The following RPS6KA2 variants were observed in gnomAD, a reference collection of about 807,000 sequenced individuals.
The protein encoded by RPS6KA2 is ribosomal protein S6 kinase alpha-2.
A neutral mutation model predicts 91.8 loss-of-function variants in RPS6KA2; 42 were observed. The observed-to-expected ratio is 0.46, with a 90% CI of 0.36 to 0.59. The LOEUF is 0.59. Among genes scored for constraint, RPS6KA2 ranks in the 20% least tolerant of loss-of-function variants. The probability of loss-of-function intolerance (pLI) is 0.00; values close to 1 mark genes in which losing one functional copy is unlikely to be tolerated. For missense variants in RPS6KA2, 798 were observed against 978.5 expected, an observed-to-expected ratio of 0.82 and a Z score of 2.46; for synonymous variants, 414 against 393.6, an observed-to-expected ratio of 1.05 and a Z score of -0.61.
At chr6:166,476,486 G>A (rs1468887487) in intron 10 of RPS6KA2, among the ~76,000 whole-genome samples, 1 of 152,228 alleles carries the variant, frequency 6.6e-6, no homozygotes, top group Non-Finnish European at 1.5e-5. Flanking sequence ...TGCGCACACA[G>A]AGGGCACATT....
chr6:166,838,747 C>T lies in RPS6KA2; in HGVS notation c.123+19453G>A, dbSNP rs142304257. Among the ~76,000 whole-genome samples the T allele has an allele frequency of 1.7e-3, 234 of 137,874 alleles. 29 individuals are homozygous for T. The highest frequency in any genetic ancestry group is 7.9e-3 in the African/African-American group (220 of 27,998). The allele number at this position is 137,874 out of a possible 152,430, so 90.5% of individuals were successfully genotyped here. On this transcript the variant is annotated intron_variant, in intron 2 of 21. Coordinates refer to the RPS6KA2 transcript ENST00000503859. ...CCACTGGAGGACTCGGAATCTTGGC[C>T]GCAAAGATACTAACAGATGTCCACG...
chr6:166,539,139 C>T (rs1000053601), intron 1 of RPS6KA2, among the ~76,000 whole-genome samples: 8 of 152,106 alleles, frequency 5.3e-5, no homozygotes, highest in East Asian at 1.9e-4. Flanking sequence ...AGGATGGTCT[C>T]GATCTCCTGA....
At chr6:166,552,270 C>G (rs1784043582) in intron 1 of RPS6KA2, among the ~76,000 whole-genome samples, 1 of 152,232 alleles carries the variant, frequency 6.6e-6, no homozygotes, top group Non-Finnish European at 1.5e-5. Context: ...CGCAAAGCGT[C>G]TGGCACCATC....
Position 166,627,198 on chromosome 6 carries a change from G to C in RPS6KA2, c.-179C>G. The C allele has an allele frequency of 9.6e-7, 1 of 1,042,244 alleles. No homozygotes were observed. Among genetic ancestry groups the C allele is most frequent in the South Asian group, 4.6e-5 (1 of 21,856 alleles). The allele number at this position is 1,042,244 out of a possible 1,614,324, so 64.6% of individuals were successfully genotyped here. On this transcript the variant is annotated 5_prime_UTR_variant, in exon 1 of 21. Transcript: ENST00000265678. ...CAAAGGGCAGGCCGCGCCGGCCACCGCGGCCGGGGCCACAATCGCTCCCTC... is the reference window on the plus strand; with the variant it reads ...CAAAGGGCAGGCCGCGCCGGCCACCCCGGCCGGGGCCACAATCGCTCCCTC...
intron 2 of RPS6KA2, among the ~76,000 whole-genome samples, chr6:166,801,956 A>T (rs9457221): frequency 0.32 from 48,754 of 151,736 alleles, 8,262 homozygotes; most frequent in African/African-American, 0.44. Context: ...AAAAAAAAAA[A>T]ATTTTTAAAT....
At chr6:166,757,241 C>A (rs983498063) in intron 2 of RPS6KA2, among the ~76,000 whole-genome samples, 1 of 152,180 alleles carries the variant, frequency 6.6e-6, no homozygotes, top group Non-Finnish European at 1.5e-5. Flanking sequence ...ACACCCTTCC[C>A]CTCAGTTGTG....
At chr6:166,438,621 G>A (rs375600388) in intron 14 of RPS6KA2, among the ~76,000 whole-genome samples, 7 of 152,158 alleles carry the variant, frequency 4.6e-5, no homozygotes, top group South Asian at 2.1e-4. Context: ...GAGCTTGTGC[G>A]GTCTTCTTCT....
At chr6:166,790,081 T>C (rs1417413895) in intron 2 of RPS6KA2, among the ~76,000 whole-genome samples, 4 of 151,960 alleles carry the variant, frequency 2.6e-5, no homozygotes, top group African/African-American at 7.3e-5. Context: ...AGAAGGAAAT[T>C]CACACCAATG....
At chr6:166,668,576 C>T (rs1283583569) in intron 2 of RPS6KA2, among the ~76,000 whole-genome samples, 1 of 152,158 alleles carries the variant, frequency 6.6e-6, no homozygotes, top group Admixed American at 6.5e-5. Context: ...AAGATGGTAA[C>T]TGCAGGGAAG....
rs535713658 is a variant in RPS6KA2, at chr6:166,637,190, G to T, written c.124-98406C>A. On this transcript the variant is annotated intron_variant, in intron 2 of 21. Coordinates refer to the RPS6KA2 transcript ENST00000503859. ...CCACTGGGACCATCTGGAGGGGAACGCGAGGAGGACAGAGAGGCTGTGTGG... is the reference window on the plus strand; with the variant it reads ...CCACTGGGACCATCTGGAGGGGAACTCGAGGAGGACAGAGAGGCTGTGTGG... Among the ~76,000 whole-genome samples the T allele has an allele frequency of 5.3e-5, 8 of 152,340 alleles. No individual in the cohort carries two copies. The South Asian group carries it at 1.4e-3, about 28-fold the overall frequency.
intron 2 of RPS6KA2, among the ~76,000 whole-genome samples, chr6:166,803,353 C>G (rs1187104260): frequency 2.0e-5 from 3 of 152,190 alleles, no homozygotes; most frequent in African/African-American, 7.2e-5. Context: ...TTCACCAAAA[C>G]AGGTTGCTGA....
At chr6:166,636,442 C>T (rs1465814068) in intron 2 of RPS6KA2, among the ~76,000 whole-genome samples, 1 of 151,996 alleles carries the variant, frequency 6.6e-6, no homozygotes, top group African/African-American at 2.4e-5. Flanking sequence ...GGCCTCTCTC[C>T]ACTACTCTCT....
chr6:166,693,321 C>T (rs142028961), intron 2 of RPS6KA2, among the ~76,000 whole-genome samples: 219 of 152,314 alleles, frequency 1.4e-3, no homozygotes, highest in African/African-American at 4.6e-3. Context: ...GCTAAACACG[C>T]GGAAGTGATT....
At chr6:166,743,398 C>G (rs1016810155) in intron 2 of RPS6KA2, among the ~76,000 whole-genome samples, 3 of 152,344 alleles carry the variant, frequency 2.0e-5, no homozygotes, top group African/African-American at 7.2e-5. Flanking sequence ...GAAGAACAAT[C>G]CCAAACCCAA....
intron 3 of RPS6KA2, among the ~76,000 whole-genome samples, chr6:166,525,332 C>T (rs1404797674): frequency 6.6e-6 from 1 of 152,172 alleles, no homozygotes; most frequent in Non-Finnish European, 1.5e-5. Flanking sequence ...GAGTCGAGCA[C>T]ATTTAAGGCA....
At position 166,759,593 on chromosome 6, in the gene RPS6KA2, T is replaced by C. The variant is rs917031848; in HGVS notation, c.123+98607A>G. Among the ~76,000 whole-genome samples the C allele has an allele frequency of 2.0e-5, 3 of 152,386 alleles. No individual in the cohort carries two copies. In the Middle Eastern group the frequency reaches 0.01, roughly 518 times the overall value. On this transcript the variant is annotated intron_variant, in intron 2 of 21. Transcript: ENST00000503859. ...TGGTGTGTTTCAGCCTTGACTTCTC[T>C]CTGTGAAATCATCAGGAGCTTTAAA...
chr6:166,640,444 G>A (rs986080316), intron 2 of RPS6KA2, among the ~76,000 whole-genome samples: 25 of 152,188 alleles, frequency 1.6e-4, no homozygotes, highest in Admixed American at 1.1e-3. Flanking sequence ...TGGCAGCCCC[G>A]GGAGAGGCGC....
chr6:166,428,566 G>A (rs1192675432), intron 16 of RPS6KA2, among the ~76,000 whole-genome samples: 1 of 142,194 alleles, frequency 7.0e-6, no homozygotes, highest in Admixed American at 7.0e-5. Context: ...CTGACAAAGG[G>A]CTAATATCCA....
intron 1 of RPS6KA2, among the ~76,000 whole-genome samples, chr6:166,601,451 C>T (rs756186367): frequency 7.9e-5 from 12 of 152,164 alleles, no homozygotes; most frequent in Non-Finnish European, 1.2e-4. Context: ...AGAAGAGCTA[C>T]GACAATATTG....
Sources: allele counts gnomAD v4.1 joint callset (sites outside exome capture counted in the v4.1 genomes callset), GRCh38; gene constraint gnomAD v4.1.1; transcripts MANE v1.5; gene names NCBI Gene and HGNC (gene_info 2026-07-23, HGNC 2026-07-21).